The following MPDZ variants were observed in gnomAD, a reference collection of about 807,000 sequenced individuals.
MPDZ encodes multiple PDZ domain crumbs cell polarity complex component, also known as multiple PDZ domain protein.
MPDZ carries 234 observed loss-of-function variants against 239.1 expected under a neutral mutation model. That is an observed-to-expected ratio of 0.98 (90% CI 0.88 to 1.09). The LOEUF is 1.09. Ranked by LOEUF, MPDZ falls within the 50% of genes least tolerant of loss-of-function variation. The probability of loss-of-function intolerance (pLI) is 0.00; values close to 1 mark genes in which losing one functional copy is unlikely to be tolerated. For missense variants in MPDZ, 3,175 were observed against 2,510.0 expected, an observed-to-expected ratio of 1.26 and a Z score of -5.66; for synonymous variants, 1,048 against 881.3, an observed-to-expected ratio of 1.19 and a Z score of -3.35.
At chr9:13,208,320 T>C (rs2135771785) in intron 10 of MPDZ, among the ~76,000 whole-genome samples, 1 of 152,186 alleles carries the variant, frequency 6.6e-6, no homozygotes, top group Admixed American at 6.5e-5. Flanking sequence ...GGCACATGAT[T>C]GTAATCCCAT....
chr9:13,114,761 A>G (rs1943105516), intron 40 of MPDZ, among the ~76,000 whole-genome samples: 1 of 151,964 alleles, frequency 6.6e-6, no homozygotes. Flanking sequence ...TTAGCCAGGC[A>G]TGGTGGTGCA....
intron 10 of MPDZ, among the ~76,000 whole-genome samples, chr9:13,210,874 C>T (rs1957542244): frequency 6.6e-6 from 1 of 152,130 alleles, no homozygotes; most frequent in African/African-American, 2.4e-5. Context: ...AAGAAACCCT[C>T]AGAGATAGTC....
At chr9:13,190,585 C>A (rs1031891828) in intron 15 of MPDZ, among the ~76,000 whole-genome samples, 3 of 152,054 alleles carry the variant, frequency 2.0e-5, no homozygotes, top group Admixed American at 6.6e-5. Flanking sequence ...GCGTGACTGT[C>A]ACTTTTTTCA....
intron 29 of MPDZ, 135 bp downstream of exon 29, chr9:13,137,817 ATTTGC>A (rs1947052704): frequency 5.8e-6 from 5 of 866,682 alleles, no homozygotes; most frequent in Non-Finnish European, 8.7e-6. Flanking sequence ...TTAGAGCCAG[ATTTGC>A]TGCAATGCAT....
chr9:13,271,110 C>T (rs918269902), intron 1 of MPDZ, among the ~76,000 whole-genome samples: 2 of 152,178 alleles, frequency 1.3e-5, no homozygotes, highest in Non-Finnish European at 2.9e-5. Flanking sequence ...TTAATCATCT[C>T]CTATCTTTCA....
At position 13,245,069 on chromosome 9, in the gene MPDZ, T is replaced by A. The variant is rs191493569; in HGVS notation, c.183+2566A>T. ...GTAATAAATATAAGCTAGCCATTGG[T>A]CAGATTTGTGTAGCCACTGGTTTAA... On this transcript the variant is annotated intron_variant, in intron 3 of 46. Coordinates refer to ENST00000319217, the MANE Select transcript of MPDZ (RefSeq NM_001378778.1). Among the ~76,000 whole-genome samples, 87 of 152,248 alleles carry A rather than the reference T, an allele frequency of 5.7e-4. No individual in the cohort carries two copies. In the East Asian group the frequency reaches 0.011, roughly 19 times the overall value.
chr9:13,255,344 TC>T (rs756027845), intron 1 of MPDZ, among the ~76,000 whole-genome samples: 72 of 152,184 alleles, frequency 4.7e-4, no homozygotes, highest in Non-Finnish European at 7.6e-4. Flanking sequence ...ATCAACTTCT[TC>T]CAAAGTCCTG....
At chr9:13,219,477 G>C (rs1231285881) in intron 8 of MPDZ, 82 bp downstream of exon 8, 1 of 1,233,302 alleles carries the variant, frequency 8.1e-7, no homozygotes, top group African/African-American at 1.5e-5. Flanking sequence ...ACATTAGTAA[G>C]TCTAGTTTCT....
chr9:13,113,860 G>T, intron 41 of MPDZ, 71 bp downstream of exon 41: 2 of 1,185,880 alleles, frequency 1.7e-6, no homozygotes, highest in Non-Finnish European at 2.4e-6. Flanking sequence ...AAGCTCAGAG[G>T]TAAACAAGAC....
At chr9:13,132,646 G>T (rs542731189) in intron 32 of MPDZ, among the ~76,000 whole-genome samples, 2 of 152,254 alleles carry the variant, frequency 1.3e-5, no homozygotes, top group Non-Finnish European at 2.9e-5. Context: ...ATTTGTATAT[G>T]TGTGCCAGGT....
chr9:13,210,878 GAT>G (rs1000880860), intron 10 of MPDZ, among the ~76,000 whole-genome samples: 1 of 152,150 alleles, frequency 6.6e-6, no homozygotes, highest in African/African-American at 2.4e-5. Context: ...AACCCTCAGA[GAT>G]AGTCAGTTCT....
At chr9:13,238,172 G>A (rs1483479469) in intron 3 of MPDZ, among the ~76,000 whole-genome samples, 1 of 152,200 alleles carries the variant, frequency 6.6e-6, no homozygotes, top group Non-Finnish European at 1.5e-5. Context: ...CTGTAAGCTT[G>A]CACAGGTGAA....
At chr9:13,126,175 A>G (rs1945086073) in intron 34 of MPDZ, among the ~76,000 whole-genome samples, 1 of 152,236 alleles carries the variant, frequency 6.6e-6, no homozygotes, top group Non-Finnish European at 1.5e-5. Context: ...ATAAAGTAGT[A>G]TACACAATGG....
rs1051007473 is a variant in MPDZ at position 13,158,124 on chromosome 9, T to C, written c.3360-14A>G. 6.2e-7 allele frequency: 1 copy of C among 1,604,400 alleles called. No individual in the cohort carries two copies. Among genetic ancestry groups the C allele is most frequent in the African/African-American group, 1.3e-5 (1 of 74,700 alleles). ...TCTGGAATGTCTCTGGTTAAAGAAT[T>C]ACACAATGAGTACCCCAAAATCCTA... On this transcript the variant is annotated splice_polypyrimidine_tract_variant and intron_variant, in intron 23 of 46. Coordinates refer to ENST00000319217, the MANE Select transcript of MPDZ (RefSeq NM_001378778.1).
intron 21 of MPDZ, among the ~76,000 whole-genome samples, chr9:13,168,782 A>C (rs1249579263): frequency 6.6e-6 from 1 of 152,056 alleles, no homozygotes; most frequent in African/African-American, 2.4e-5. Flanking sequence ...ATACATTATA[A>C]ACAAAACAGA....
chr9:13,190,131 T>C lies in MPDZ; in HGVS notation c.2137A>G (p.Ser713Gly), dbSNP rs1330177340. 6.2e-7 allele frequency: 1 copy of C among 1,612,686 alleles called. No homozygotes were observed. Among genetic ancestry groups the C allele is most frequent in the East Asian group, 2.2e-5 (1 of 44,718 alleles). The change falls in exon 16 of 47, where the codon AGC (serine) becomes GGC (glycine). Residue 713 changes from serine (S) to glycine (G), a missense_variant. By Grantham distance (56) the Ser-to-Gly change is moderately conservative. Coordinates refer to ENST00000319217, the MANE Select transcript of MPDZ (RefSeq NM_001378778.1). ...ATACTTACCTGATAATCTAAAATGC[T>C]AAAACCAAGTCCTTTGCTCCCTTTC... ...LEKGSKGLGF[S>G]ILDYQDPIDP...
intron 3 of MPDZ, among the ~76,000 whole-genome samples, chr9:13,224,991 C>T (rs1480637452): frequency 1.3e-5 from 2 of 151,932 alleles, no homozygotes; most frequent in African/African-American, 4.8e-5. Context: ...CATGGTGGGC[C>T]CCAAGGCCAC....
rs370830557 is a variant in MPDZ, at chr9:13,115,286, G to C, written c.5428C>G (p.Pro1810Ala). Residue 1810 changes from proline (P) to alanine (A), a missense_variant, in exon 40 of 47, where the codon CCA (proline) becomes GCA (alanine). Physicochemically the swap from Pro to Ala is conservative, Grantham distance 27. Coordinates refer to ENST00000319217, the MANE Select transcript of MPDZ (RefSeq NM_001378778.1). ...TLEVGRIKAG[P>A]FHSERRPSQS... is the part of the protein sequence containing the mutation. Reference sequence around the variant, plus strand: ...GATGGCCTCCTCTCTGAATGGAATGGACCAGCTTTGATTCTTCCAACTTCC... The same window carrying C: ...GATGGCCTCCTCTCTGAATGGAATGCACCAGCTTTGATTCTTCCAACTTCC... 3 of 1,612,622 alleles carry C rather than the reference G, an allele frequency of 1.9e-6. No homozygotes were observed. The highest frequency in any genetic ancestry group is 1.3e-5 in the African/African-American group (1 of 74,888).
chr9:13,160,209 T>C (rs942863889), intron 23 of MPDZ, among the ~76,000 whole-genome samples: 4 of 152,190 alleles, frequency 2.6e-5, no homozygotes, highest in African/African-American at 9.6e-5. Flanking sequence ...TTGCTTCCAA[T>C]GGTAAGAACA....
Sources: allele counts gnomAD v4.1 joint callset (sites outside exome capture counted in the v4.1 genomes callset), GRCh38; gene constraint gnomAD v4.1.1; transcripts MANE v1.5; gene names NCBI Gene and HGNC (gene_info 2026-07-23, HGNC 2026-07-21).